Variants in PIK3AP1 observed in about 807,000 individuals in gnomAD.
PIK3AP1 encodes the protein phosphoinositide 3-kinase adapter protein 1.
PIK3AP1 carries 21 observed loss-of-function variants against 88.1 expected under a neutral mutation model. That is an observed-to-expected ratio of 0.24 (90% confidence interval 0.17 to 0.34). The LOEUF is 0.34. PIK3AP1 is among the 10% of genes least tolerant of loss of function. The pLI is 1.00. For synonymous variants in PIK3AP1, 398 were observed against 400.0 expected, an observed-to-expected ratio of 1.00 and a Z score of 0.06; for missense variants, 828 against 1,035.7, an observed-to-expected ratio of 0.80 and a Z score of 2.75.
chr10:96,704,473 T>A (rs948119755), intron 2 of PIK3AP1, among the ~76,000 whole-genome samples: 1 of 152,150 alleles, frequency 6.6e-6, no homozygotes, highest in African/African-American at 2.4e-5. Flanking sequence ...ATCCCAACAC[T>A]TTGTGAGGCT....
chr10:96,680,340 G>A (rs1310517125), intron 2 of PIK3AP1, among the ~76,000 whole-genome samples: 1 of 151,816 alleles, frequency 6.6e-6, no homozygotes, highest in African/African-American at 2.4e-5. Context: ...AGGGGTACAT[G>A]TGCAGGTTTG....
intron 2 of PIK3AP1, chr10:96,700,680 C>A: frequency 2.4e-6 from 1 of 411,576 alleles, no homozygotes; most frequent in Non-Finnish European, 3.3e-6. Context: ...AACCCAACAG[C>A]CCACAGGCAC....
At chr10:96,708,032 T>C (rs1009063705) in intron 2 of PIK3AP1, among the ~76,000 whole-genome samples, 1 of 152,204 alleles carries the variant, frequency 6.6e-6, no homozygotes, top group Admixed American at 6.5e-5. Flanking sequence ...TAAAAGCACC[T>C]AGGAAGTTAC....
chr10:96,706,848 CA>C (rs1844371017), intron 2 of PIK3AP1, among the ~76,000 whole-genome samples: 1 of 152,312 alleles, frequency 6.6e-6, no homozygotes, highest in African/African-American at 2.4e-5. Context: ...ATGGAATACC[CA>C]AAAAGCAAAC....
chr10:96,709,858 G>C lies in PIK3AP1; in HGVS notation c.139C>G (p.Leu47Val). 6.2e-7 allele frequency: 1 copy of C among 1,613,998 alleles called. No individual in the cohort carries two copies. The highest frequency in any genetic ancestry group is 1.1e-5 in the South Asian group (1 of 91,086). ...GCCGAGAAGGAGGCCTCGGGGCCCA[G>C]CCTGTGAGTCAGTATCTTCTGGCTG... ...VRSQKILTHR[L>V]GPEASFSAED... The change falls in exon 2 of 17, where the codon CTG becomes GTG. Residue 47 changes from leucine (L) to valine (V), a missense_variant. Coordinates refer to ENST00000339364, the MANE Select transcript of PIK3AP1 (RefSeq NM_152309.3).
At chr10:96,604,938 C>T (rs1368947186) in intron 14 of PIK3AP1, among the ~76,000 whole-genome samples, 1 of 152,114 alleles carries the variant, frequency 6.6e-6, no homozygotes, top group Non-Finnish European at 1.5e-5. Flanking sequence ...CGGCTCAGTG[C>T]AACCTCCACC....
intron 12 of PIK3AP1, among the ~76,000 whole-genome samples, chr10:96,617,233 C>T (rs1849229430): frequency 6.6e-6 from 1 of 152,218 alleles, no homozygotes; most frequent in African/African-American, 2.4e-5. Flanking sequence ...GGTCAAGAGA[C>T]CACGTCGTGT....
rs1359890085 is a variant in PIK3AP1 at position 96,712,721 on chromosome 10, C to T, written c.14-2738G>A. Among the ~76,000 whole-genome samples the T allele has an allele frequency of 4.6e-5, 7 of 152,298 alleles. No homozygotes were observed. In the South Asian group the frequency reaches 8.3e-4, roughly 18 times the overall value. ...AGTGTCAAGTGTTATTGCAGATGTG[C>T]GTGCATGGGCACGAGCCATCAGGTA... is the stretch of plus-strand genomic sequence containing the variant. On this transcript the variant is annotated intron_variant, in intron 1 of 16. Coordinates refer to ENST00000339364, the MANE Select transcript of PIK3AP1 (RefSeq NM_152309.3).
intron 2 of PIK3AP1, among the ~76,000 whole-genome samples, chr10:96,672,428 G>A (rs1843860158): frequency 6.6e-6 from 1 of 152,166 alleles, no homozygotes; most frequent in African/African-American, 2.4e-5. Flanking sequence ...CAATGTACTT[G>A]AGGTTCAAGA....
intron 13 of PIK3AP1, among the ~76,000 whole-genome samples, chr10:96,614,053 CT>C (rs905235133): frequency 2.0e-5 from 3 of 152,166 alleles, no homozygotes; most frequent in African/African-American, 7.2e-5. Context: ...CCCTCTACTC[CT>C]CTGCATGTGC....
intron 15 of PIK3AP1, among the ~76,000 whole-genome samples, chr10:96,603,568 T>TC (rs890894395): frequency 6.6e-6 from 1 of 152,010 alleles, no homozygotes; most frequent in African/African-American, 2.4e-5. Context: ...AACACTGGAC[T>TC]CCAAGTTCTC....
intron 9 of PIK3AP1, among the ~76,000 whole-genome samples, chr10:96,627,731 C>T (rs1350178843): frequency 6.6e-6 from 1 of 152,150 alleles, no homozygotes; most frequent in African/African-American, 2.4e-5. Context: ...CCTTTGAAAC[C>T]TTCAGTAATA....
At chr10:96,653,755 T>C (rs1843576822) in intron 3 of PIK3AP1, among the ~76,000 whole-genome samples, 1 of 152,190 alleles carries the variant, frequency 6.6e-6, no homozygotes, top group South Asian at 2.1e-4. Flanking sequence ...CCCAAAGTGC[T>C]GGGATTACAG....
intron 16 of PIK3AP1, among the ~76,000 whole-genome samples, chr10:96,600,600 G>A (rs529696591): frequency 3.3e-5 from 5 of 152,342 alleles, no homozygotes; most frequent in South Asian, 4.1e-4. Context: ...TGCTGGGAGC[G>A]CATGAGAAAG....
At chr10:96,697,041 G>A (rs1347383720) in intron 2 of PIK3AP1, among the ~76,000 whole-genome samples, 1 of 152,190 alleles carries the variant, frequency 6.6e-6, no homozygotes, top group Admixed American at 6.5e-5. Flanking sequence ...GAGTGGCCAA[G>A]TGAATTGCCT....
intron 2 of PIK3AP1, among the ~76,000 whole-genome samples, chr10:96,658,218 C>G (rs1843641453): frequency 6.6e-6 from 1 of 152,194 alleles, no homozygotes; most frequent in African/African-American, 2.4e-5. Context: ...GACACTAACC[C>G]TGCCTTCAGA....
intron 8 of PIK3AP1, among the ~76,000 whole-genome samples, chr10:96,631,545 C>G (rs915946235): frequency 1.3e-5 from 2 of 152,142 alleles, no homozygotes; most frequent in Admixed American, 6.5e-5. Context: ...TACTATAACC[C>G]CTTTCCTAAT....
At chr10:96,651,166 A>C in intron 6 of PIK3AP1, 82 bp downstream of exon 6, 1 of 1,553,148 alleles carries the variant, frequency 6.4e-7, no homozygotes, top group Non-Finnish European at 8.9e-7. Context: ...GCAGAAGGTA[A>C]ACGCGTATGT....
At position 96,638,471 on chromosome 10, in the gene PIK3AP1, G is replaced by GACACACAC. The variant is rs60796576; in HGVS notation, c.1375+6994_1375+7001dup. Among the ~76,000 whole-genome samples, 596 of 148,218 alleles carry GACACACAC rather than the reference G, an allele frequency of 4.0e-3. 2 individuals carry two copies. The highest frequency in any genetic ancestry group is 0.014 in the African/African-American group (541 of 39,130). ...ACACACACAGACACACACACACACA[G>GACACACAC]ACACACACACACACACACACACACA... On this transcript the variant is annotated intron_variant, in intron 8 of 16. Coordinates refer to ENST00000339364, the MANE Select transcript of PIK3AP1 (RefSeq NM_152309.3).
Sources: gnomAD v4.1 joint callset for allele counts (sites outside exome capture counted in the v4.1 genomes callset) on GRCh38, gnomAD v4.1.1 for gene constraint, MANE v1.5 for transcripts, NCBI Gene and HGNC (gene_info 2026-07-23, HGNC 2026-07-21) for gene names.